Variants in TMEM167A observed in about 807,000 individuals in gnomAD.
TMEM167A encodes protein kish-A.
TMEM167A carries 8 observed loss-of-function variants against 11.6 expected under a neutral mutation model. The ratio of observed to expected loss-of-function variants is 0.69; its 90% CI spans 0.40 to 1.24. TMEM167A has a LOEUF of 1.24. TMEM167A is among the 50% of genes most tolerant of loss of function. The pLI, the probability that TMEM167A is intolerant of heterozygous loss-of-function variation, is 0.01. For missense variants in TMEM167A, 62 were observed against 87.0 expected (o/e 0.71, Z 1.14); for synonymous variants, 22 against 28.0 (o/e 0.79, Z 0.67).
rs1360438833 is a variant in TMEM167A at position 83,077,383 on chromosome 5, C to A, written c.-60G>T. The A allele has an allele frequency of 1.2e-6, 2 of 1,613,460 alleles. No individual in the cohort carries two copies. Among genetic ancestry groups the A allele is most frequent in the East Asian group, 2.2e-5 (1 of 44,880 alleles). ...TCCGGGGCTCAGGCGGAAGAGGCTG[C>A]ATGTCCCGTCTGCCCTTCTCGCCCT... On this transcript the variant is annotated 5_prime_UTR_variant, in exon 1 of 4. The change abolishes an upstream ATG in the 5' untranslated region. Transcript: ENST00000502346.
intron 1 of TMEM167A, among the ~76,000 whole-genome samples, chr5:83,071,847 G>C (rs770565503): frequency 1.3e-5 from 2 of 152,114 alleles, no homozygotes; most frequent in African/African-American, 4.8e-5. Context: ...CAAAATATTT[G>C]GGTTAATGAA....
At position 83,064,102 on chromosome 5, in the gene TMEM167A, C is replaced by T. The variant is rs181884238; in HGVS notation, c.113+906G>A. 454 of 344,320 alleles carry T rather than the reference C, an allele frequency of 1.3e-3. 2 individuals are homozygous for T. Among genetic ancestry groups the T allele is most frequent in the Middle Eastern group, 0.01 (12 of 1,178 alleles). The allele number at this position is 344,320 out of a possible 1,614,324, so 21.3% of individuals were successfully genotyped here. A position where few individuals can be genotyped will look rare whatever the true frequency, so the allele number is the denominator to read the frequency against. Reference sequence around the variant, plus strand: ...AATCAACATAAAATGGTGCTTAACACGTATATAAGTAGAAATAAAGGTTTT... The same window carrying T: ...AATCAACATAAAATGGTGCTTAACATGTATATAAGTAGAAATAAAGGTTTT... On this transcript the variant is annotated intron_variant, in intron 2 of 3. Transcript: ENST00000502346.
intron 2 of TMEM167A, 62 bp from the exon 3 acceptor site, chr5:83,061,973 CTT>C: frequency 7.5e-7 from 1 of 1,340,034 alleles, no homozygotes; most frequent in Non-Finnish European, 1.1e-6. Context: ...AAATTATTCT[CTT>C]GATATCATAT....
intron 1 of TMEM167A, among the ~76,000 whole-genome samples, chr5:83,066,698 T>C (rs73769240): frequency 0.042 from 6,358 of 152,190 alleles, 416 homozygotes; most frequent in African/African-American, 0.14. Context: ...GATTGAAATT[T>C]GATCCCCAGT....
chr5:83,076,901 G>C (rs1744682044), intron 1 of TMEM167A, among the ~76,000 whole-genome samples: 1 of 152,150 alleles, frequency 6.6e-6, no homozygotes, highest in Admixed American at 6.5e-5. Flanking sequence ...TGAAGGTATG[G>C]AGTTTGGTGC....
chr5:83,062,398 G>A (rs1322977898), intron 2 of TMEM167A, among the ~76,000 whole-genome samples: 1 of 151,970 alleles, frequency 6.6e-6, no homozygotes, highest in Non-Finnish European at 1.5e-5. Flanking sequence ...TCCAATGATG[G>A]TATTTACTTA....
chr5:83,064,892 GTTA>G lies in TMEM167A; in HGVS notation c.113+113_113+115del, dbSNP rs1041546343. 182 of 627,150 alleles carry G rather than the reference GTTA, an allele frequency of 2.9e-4. 1 individual carries two copies. The highest frequency in any genetic ancestry group is 4.5e-4 in the Non-Finnish European group (165 of 368,118). The allele number at this position is 627,150 out of a possible 1,614,324, so 38.8% of individuals were successfully genotyped here. ...TTTTAACAGGAAGAAAATGAAAAAA[GTTA>G]TTATAAAACCAAATTACATGTAGGA... On this transcript the variant is annotated intron_variant, in intron 2 of 3. Coordinates refer to ENST00000502346, the MANE Select transcript of TMEM167A (RefSeq NM_174909.5).
intron 3 of TMEM167A, among the ~76,000 whole-genome samples, chr5:83,060,709 T>C (rs1744395214): frequency 6.6e-6 from 1 of 151,832 alleles, no homozygotes; most frequent in Non-Finnish European, 1.5e-5. Context: ...TGGGTGCCTG[T>C]AATCCCAGCT....
chr5:83,073,269 T>G (rs542268962), intron 1 of TMEM167A, among the ~76,000 whole-genome samples: 1 of 152,194 alleles, frequency 6.6e-6, no homozygotes, highest in Non-Finnish European at 1.5e-5. Flanking sequence ...TCAGAGTAGG[T>G]GCTTAACGAA....
intron 1 of TMEM167A, among the ~76,000 whole-genome samples, chr5:83,067,238 A>T (rs1422083272): frequency 3.0e-5 from 4 of 132,028 alleles, no homozygotes; most frequent in Non-Finnish European, 7.0e-5. Context: ...TAGCCAGGAG[A>T]ATCTTAAAAA....
rs7891 is a variant in TMEM167A at position 83,053,558 on chromosome 5, A to G, written c.*3526T>C. The G allele has an allele frequency of 0.32, 48,007 of 151,858 alleles. 8,856 individuals carry two copies. The highest frequency in any genetic ancestry group is 0.42 in the Non-Finnish European group (28,576 of 67,832). 9.4% of individuals were successfully genotyped at this position (151,858 alleles called of 1,614,324 possible). On this transcript the variant is annotated 3_prime_UTR_variant, in exon 4 of 4. Transcript: ENST00000502346. ...GGAAGAATTTAAATTTCTGCCCTTG[A>G]GTAGTTTTGTGTTAGGCAGGAGGAA...
chr5:83,070,810 A>G (rs904268633), intron 1 of TMEM167A, among the ~76,000 whole-genome samples: 1 of 152,100 alleles, frequency 6.6e-6, no homozygotes, highest in African/African-American at 2.4e-5. Flanking sequence ...ATATTCATTA[A>G]CTCTGATTAT....
rs555522636 is a variant in TMEM167A, at chr5:83,056,927, T to C, written c.*157A>G. ...ACATCTTAATTGTTTATACAGAACA[T>C]TGGTCCAATAACATTAAAATAGAGA... On this transcript the variant is annotated 3_prime_UTR_variant, in exon 4 of 4. Coordinates refer to ENST00000502346, the MANE Select transcript of TMEM167A (RefSeq NM_174909.5). The C allele has an allele frequency of 9.1e-5, 64 of 700,794 alleles. 1 individual carries two copies. In the South Asian group the frequency reaches 9.9e-4, roughly 11 times the overall value. 43.4% of individuals were successfully genotyped at this position (700,794 alleles called of 1,614,324 possible). A position where few individuals can be genotyped will look rare whatever the true frequency, so the allele number is the denominator to read the frequency against.
At chr5:83,059,044 C>T (rs572964402) in intron 3 of TMEM167A, among the ~76,000 whole-genome samples, 3 of 152,040 alleles carry the variant, frequency 2.0e-5, no homozygotes, top group South Asian at 2.1e-4. Context: ...TTCTAAGTCA[C>T]TCTGCCAAAA....
At chr5:83,073,734 A>C (rs2112250273) in intron 1 of TMEM167A, among the ~76,000 whole-genome samples, 2 of 152,334 alleles carry the variant, frequency 1.3e-5, no homozygotes, top group South Asian at 4.1e-4. Flanking sequence ...AAGAACAGAC[A>C]TGAAGACAAC....
Position 83,057,007 on chromosome 5 carries a change from C to A in TMEM167A, c.*77G>T. ...GTTCGGAGATAAAAGAGTTAAACAT[C>A]CTTTCCATTATTTTCTGCAGTCAGT... On this transcript the variant is annotated 3_prime_UTR_variant, in exon 4 of 4. Transcript: ENST00000502346. The A allele has an allele frequency of 7.7e-7, 1 of 1,292,398 alleles. No individual in the cohort carries two copies. The highest frequency in any genetic ancestry group is 1.1e-6 in the Non-Finnish European group (1 of 893,856). The allele number at this position is 1,292,398 out of a possible 1,614,324, so 80.1% of individuals were successfully genotyped here.
rs41482346 is a variant in TMEM167A, at chr5:83,059,477, T to C, written c.149-2323A>G. ...CTTCCATTATGTTCTCTCTTTGTAC[T>C]TTACTTGAGGTATTCTTAACCACTG... On this transcript the variant is annotated intron_variant, in intron 3 of 3. Transcript: ENST00000502346. Among the ~76,000 whole-genome samples the C allele has an allele frequency of 3.0e-3, 462 of 152,156 alleles. 10 individuals are homozygous for C. In the East Asian group the frequency reaches 0.077, roughly 26 times the overall value.
intron 1 of TMEM167A, among the ~76,000 whole-genome samples, 163 bp downstream of exon 1, chr5:83,077,158 T>C (rs1744693133): frequency 6.6e-6 from 1 of 152,166 alleles, no homozygotes; most frequent in Non-Finnish European, 1.5e-5. Context: ...CCTCGGACAG[T>C]CCGTCCTGAT....
chr5:83,059,567 G>T (rs1871203), intron 3 of TMEM167A, among the ~76,000 whole-genome samples: 73,547 of 151,320 alleles, frequency 0.49, 18,547 homozygotes, highest in African/African-American at 0.59. Flanking sequence ...TGTGTGTATA[G>T]TTATATTTAC....
Sources: gnomAD v4.1 joint callset for allele counts (sites outside exome capture counted in the v4.1 genomes callset) on GRCh38, gnomAD v4.1.1 for gene constraint, MANE v1.5 for transcripts, NCBI Gene and HGNC (gene_info 2026-07-23, HGNC 2026-07-21) for gene names.